Variants in NPTN observed in about 807,000 individuals in gnomAD.
The protein encoded by NPTN is neuroplastin, also known as SDR-1.
In NPTN, 5 loss-of-function variants were observed where a neutral mutation model predicts 42.7. That is an observed-to-expected ratio of 0.12 (90% confidence interval 0.06 to 0.25). The LOEUF (loss-of-function observed/expected upper bound fraction) is 0.25. NPTN is among the 10% of genes least tolerant of loss of function. The pLI is 1.00. For synonymous variants in NPTN, 180 were observed against 201.9 expected (o/e 0.89, Z 0.92); for missense variants, 307 against 525.4 (o/e 0.58, Z 4.06).
At chr15:73,627,424 A>G (rs957169945) in intron 1 of NPTN, among the ~76,000 whole-genome samples, 3 of 152,234 alleles carry the variant, frequency 2.0e-5, no homozygotes, top group African/African-American at 7.2e-5. Flanking sequence ...AGCTGACTAC[A>G]TTCTATTTTA....
At position 73,633,114 on chromosome 15, in the gene NPTN, G is replaced by GC. The variant is rs756776106; in HGVS notation, c.91+10dup. The GC allele has an allele frequency of 1.4e-6, 2 of 1,453,798 alleles. No individual in the cohort carries two copies. Among genetic ancestry groups the GC allele is most frequent in the South Asian group, 2.9e-5 (2 of 69,556 alleles). 90.1% of individuals were successfully genotyped at this position (1,453,798 alleles called of 1,614,324 possible). A position where few individuals can be genotyped will look rare whatever the true frequency, so the allele number is the denominator to read the frequency against. On this transcript the variant is annotated intron_variant, in intron 1 of 8. Coordinates refer to ENST00000345330, the MANE Select transcript of NPTN (RefSeq NM_012428.4). ...AACCCCCGCCCGGCCCGCCCCCGGC[G>GC]CCCCGCTTACCGTTCTGAGCGGCGC... is the stretch of plus-strand genomic sequence containing the variant.
intron 8 of NPTN, among the ~76,000 whole-genome samples, 187 bp from the exon 9 acceptor site, chr15:73,561,235 C>T (rs1894643801): frequency 6.6e-6 from 1 of 152,138 alleles, no homozygotes; most frequent in Non-Finnish European, 1.5e-5. Flanking sequence ...TTGTCTTGCC[C>T]CCAGACGTGA....
At chr15:73,612,085 T>C (rs748588471) in intron 1 of NPTN, among the ~76,000 whole-genome samples, 1 of 152,114 alleles carries the variant, frequency 6.6e-6, no homozygotes, top group Non-Finnish European at 1.5e-5. Context: ...TCGGACAAGC[T>C]AGTAATGGTC....
intron 1 of NPTN, among the ~76,000 whole-genome samples, chr15:73,603,094 A>G (rs1897142395): frequency 6.6e-6 from 1 of 152,242 alleles, no homozygotes; most frequent in East Asian, 1.9e-4. Context: ...CACTAACTGT[A>G]TGACTGTAAG....
At chr15:73,566,907 G>GA in intron 6 of NPTN, 3 of 512,414 alleles carry the variant, frequency 5.9e-6, no homozygotes, top group Non-Finnish European at 7.5e-6. Context: ...GATCCTCAAA[G>GA]AGACCATACA....
At position 73,573,687 on chromosome 15, in the gene NPTN, C is replaced by T. The variant is rs369855294; in HGVS notation, c.815G>A (p.Arg272His). The change falls in exon 5 of 9, where the codon CGC (arginine) becomes CAC (histidine). Residue 272 changes from arginine to histidine, a missense_variant. Arg to His is a conservative substitution (Grantham distance 29). Transcript: ENST00000345330. ...CATGGGCATCCCGTTCTCCTTCTTG[C>T]GCCATATCCAGTCTGGGTGGGGGTA... ...VGYPHPDWIW[R>H]KKENGMPMDI... 8.8e-6 allele frequency: 14 copies of T among 1,585,580 alleles called. No individual in the cohort carries two copies. The East Asian group carries it at 9.4e-5, about 11-fold the overall frequency.
At position 73,573,735 on chromosome 15, in the gene NPTN, G is replaced by C. The variant is rs1283801543; in HGVS notation, c.767C>G (p.Thr256Ser). The C allele has an allele frequency of 1.3e-6, 2 of 1,596,708 alleles. No homozygotes were observed. The highest frequency in any genetic ancestry group is 1.7e-6 in the Non-Finnish European group (2 of 1,172,594). The change falls in exon 5 of 9, where the codon ACT (threonine) becomes AGT (serine). Residue 256 changes from threonine (T) to serine (S), a missense_variant. Thr to Ser is a moderately conservative substitution (Grantham distance 58). Coordinates refer to ENST00000345330, the MANE Select transcript of NPTN (RefSeq NM_012428.4). ...GTAGCCAACTGACTTGCAATACATA[G>C]TGGCATCCTGCCCTTCATTCTTGTT... is the stretch of plus-strand genomic sequence containing the variant. ...SENKNEGQDA[T>S]MYCKSVGYPH... is the part of the protein sequence containing the mutation.
At chr15:73,562,663 G>A (rs538839206) in intron 7 of NPTN, among the ~76,000 whole-genome samples, 1 of 152,210 alleles carries the variant, frequency 6.6e-6, no homozygotes, top group East Asian at 1.9e-4. Flanking sequence ...TCTTGGATAC[G>A]AGCAATTGTT....
chr15:73,568,866 A>G, intron 6 of NPTN: 2 of 985,528 alleles, frequency 2.0e-6, no homozygotes. Flanking sequence ...AGAGATTTAT[A>G]ACTGCTGAGA....
In NPTN at chr15:73,587,576, G is replaced by A. The variant is rs1896380029; in HGVS notation, c.654C>T (p.Cys218=). 3 of 1,613,886 alleles carry A rather than the reference G, an allele frequency of 1.9e-6. No individual in the cohort carries two copies. Among genetic ancestry groups the A allele is most frequent in the Non-Finnish European group, 2.5e-6 (3 of 1,179,900 alleles). The change falls in exon 4 of 9, where the codon TGC becomes TGT. Residue 218 remains cysteine (C), a synonymous_variant. Transcript: ENST00000345330. ...PRAEDSGEYH[C]VYHFVSAPKA... is the part of the protein sequence containing the mutation. ...TAGGAGCGCTGACAAAGTGATATAC[G>A]CAGTGGTATTCGCCTGAATCCTCAG...
intron 1 of NPTN, among the ~76,000 whole-genome samples, chr15:73,601,060 G>C (rs549287859): frequency 4.9e-4 from 74 of 152,340 alleles, no homozygotes; most frequent in African/African-American, 1.8e-3. Flanking sequence ...TTTGCAAAGA[G>C]CTTCCACATA....
At chr15:73,622,360 T>C (rs1406206707) in intron 1 of NPTN, among the ~76,000 whole-genome samples, 1 of 152,032 alleles carries the variant, frequency 6.6e-6, no homozygotes, top group Non-Finnish European at 1.5e-5. Context: ...AATACAAATA[T>C]ATTCCAAGCC....
chr15:73,624,096 T>C (rs1239655811), intron 1 of NPTN, among the ~76,000 whole-genome samples: 3 of 152,214 alleles, frequency 2.0e-5, no homozygotes, highest in Non-Finnish European at 2.9e-5. Flanking sequence ...CCTTCAGGCT[T>C]TTCTCCTAAA....
At chr15:73,598,119 T>C (rs755130090) in intron 1 of NPTN, among the ~76,000 whole-genome samples, 1 of 152,154 alleles carries the variant, frequency 6.6e-6, no homozygotes, top group Non-Finnish European at 1.5e-5. Context: ...GAGATATTAA[T>C]ACTTTGTGGG....
chr15:73,622,370 C>T (rs1328188015), intron 1 of NPTN, among the ~76,000 whole-genome samples: 2 of 151,834 alleles, frequency 1.3e-5, no homozygotes, highest in African/African-American at 2.4e-5. Flanking sequence ...TATTCCAAGC[C>T]CCCAGGCACA....
intron 1 of NPTN, among the ~76,000 whole-genome samples, chr15:73,618,668 C>G (rs1897979169): frequency 2.6e-5 from 4 of 152,100 alleles, no homozygotes; most frequent in Non-Finnish European, 5.9e-5. Context: ...GACTCTGTCT[C>G]TATGAAATAT....
At chr15:73,609,518 C>G (rs1897461912) in intron 1 of NPTN, among the ~76,000 whole-genome samples, 1 of 152,128 alleles carries the variant, frequency 6.6e-6, no homozygotes, top group Admixed American at 6.5e-5. Context: ...GTAATCCCAG[C>G]TACTCGGGTG....
intron 1 of NPTN, among the ~76,000 whole-genome samples, chr15:73,628,522 G>T (rs1460219391): frequency 2.0e-5 from 3 of 152,040 alleles, no homozygotes; most frequent in Non-Finnish European, 4.4e-5. Context: ...ATCCAACATG[G>T]TCACTCACTG....
At chr15:73,607,401 T>C (rs895118276) in intron 1 of NPTN, among the ~76,000 whole-genome samples, 1 of 152,194 alleles carries the variant, frequency 6.6e-6, no homozygotes, top group African/African-American at 2.4e-5. Context: ...AGGACTTAAA[T>C]GTTAAGATAC....
Sources: gnomAD v4.1 joint callset for allele counts (sites outside exome capture counted in the v4.1 genomes callset) on GRCh38, gnomAD v4.1.1 for gene constraint, MANE v1.5 for transcripts, NCBI Gene and HGNC (gene_info 2026-07-23, HGNC 2026-07-21) for gene names.